The following RIGI variants were observed in gnomAD, a reference collection of about 807,000 sequenced individuals.
RIGI encodes the protein RNA sensor RIG-I.
At chr9:32,457,285 T>C in the RIGI span, 1 of 1,614,198 alleles carries the variant, frequency 6.2e-7, no homozygotes, top group Non-Finnish European at 8.5e-7. Flanking sequence ...GATTCCCCAG[T>C]CATGGCTGCA....
At chr9:32,475,212 A>G in the RIGI span, among the ~76,000 whole-genome samples, 1 of 152,178 alleles carries the variant, frequency 6.6e-6, no homozygotes, top group African/African-American at 2.4e-5. Context: ...TCAGCCTCCC[A>G]AAGTGCTGGG....
the RIGI span, among the ~76,000 whole-genome samples, chr9:32,476,065 A>G: frequency 2.6e-5 from 4 of 152,126 alleles, no homozygotes; most frequent in Non-Finnish European, 5.9e-5. Flanking sequence ...CAAGCAGAAG[A>G]AAGATGTTCA....
At chr9:32,512,417 T>C in the RIGI span, among the ~76,000 whole-genome samples, 312 of 152,260 alleles carry the variant, frequency 2.0e-3, no homozygotes, top group African/African-American at 7.3e-3. Flanking sequence ...GTTCAACATA[T>C]ACAAATCAAT....
chr9:32,476,902 G>C, the RIGI span: 1 of 1,237,568 alleles, frequency 8.1e-7, no homozygotes, highest in African/African-American at 1.5e-5. Context: ...GATTACAGGC[G>C]TGAGACACCA....
At chr9:32,495,711 G>A in the RIGI span, among the ~76,000 whole-genome samples, 5 of 144,066 alleles carry the variant, frequency 3.5e-5, no homozygotes, top group African/African-American at 1.0e-4. Flanking sequence ...CCAGGCTGGA[G>A]TGCAGTGGCA....
At chr9:32,459,343 C>G in the RIGI span, 62 of 1,609,528 alleles carry the variant, frequency 3.9e-5, no homozygotes, top group Non-Finnish European at 5.0e-5. Context: ...TAAAACATGA[C>G]CAGGCACTTT....
At chr9:32,468,075 G>A in the RIGI span, 1 of 695,244 alleles carries the variant, frequency 1.4e-6, no homozygotes, top group Admixed American at 3.3e-5. Flanking sequence ...AACACACCTA[G>A]GCAGTGGGAT....
chr9:32,459,276 G>A, the RIGI span: 1 of 1,382,994 alleles, frequency 7.2e-7, no homozygotes, highest in Non-Finnish European at 1.0e-6. Flanking sequence ...CAGTAACAAT[G>A]GAAATAATAG....
At chr9:32,520,559 A>G in the RIGI span, among the ~76,000 whole-genome samples, 1 of 152,240 alleles carries the variant, frequency 6.6e-6, no homozygotes, top group African/African-American at 2.4e-5. Context: ...TTCATGAGAC[A>G]TAGGGCTAGA....
At chr9:32,501,782 C>G in the RIGI span, among the ~76,000 whole-genome samples, 1 of 152,104 alleles carries the variant, frequency 6.6e-6, no homozygotes, top group Non-Finnish European at 1.5e-5. Context: ...GAAGACCTAG[C>G]ACGTAATAGA....
chr9:32,471,361 A>G, the RIGI span, among the ~76,000 whole-genome samples: 1 of 152,186 alleles, frequency 6.6e-6, no homozygotes, highest in African/African-American at 2.4e-5. Flanking sequence ...CACCATCATC[A>G]TCTACTAAAC....
At chr9:32,510,342 G>A in the RIGI span, among the ~76,000 whole-genome samples, 2 of 152,312 alleles carry the variant, frequency 1.3e-5, 1 homozygote, top group South Asian at 4.1e-4. Context: ...CAGAGAGAAA[G>A]GTTGAGTTAC....
At chr9:32,501,066 G>A in the RIGI span, 15 of 1,198,176 alleles carry the variant, frequency 1.3e-5, no homozygotes, top group Non-Finnish European at 1.7e-5. Flanking sequence ...AGCATTGGAA[G>A]AATCTTTGGA....
the RIGI span, chr9:32,488,701 A>C: frequency 8.0e-6 from 12 of 1,492,316 alleles, no homozygotes; most frequent in African/African-American, 1.7e-4. Flanking sequence ...ATGAAGCTGG[A>C]GAAAAAGAAG....
chr9:32,460,985 C>T, the RIGI span, among the ~76,000 whole-genome samples: 1 of 151,194 alleles, frequency 6.6e-6, no homozygotes, highest in Non-Finnish European at 1.5e-5. Flanking sequence ...AAAAAACACT[C>T]TAAGACAGGT....
At chr9:32,458,327 T>G in the RIGI span, among the ~76,000 whole-genome samples, 2 of 152,186 alleles carry the variant, frequency 1.3e-5, no homozygotes, top group South Asian at 4.1e-4. Flanking sequence ...ATTATAAAAG[T>G]GATCCATAGC....
At chr9:32,502,923 G>A in the RIGI span, among the ~76,000 whole-genome samples, 196 of 152,262 alleles carry the variant, frequency 1.3e-3, 2 homozygotes, top group Non-Finnish European at 1.6e-3. Flanking sequence ...TGACCTCATC[G>A]TAACTAATTA....
the RIGI span, among the ~76,000 whole-genome samples, chr9:32,499,425 G>T: frequency 6.7e-6 from 1 of 148,576 alleles, no homozygotes; most frequent in South Asian, 2.1e-4. Flanking sequence ...AAAAGTTAGC[G>T]TTTGTTTTTT....
chr9:32,484,909 A>G, the RIGI span, among the ~76,000 whole-genome samples: 1 of 152,204 alleles, frequency 6.6e-6, no homozygotes, highest in Non-Finnish European at 1.5e-5. Context: ...TTTAGAAGGT[A>G]GAGAAAGCAA....
Sources: allele counts gnomAD v4.1 joint callset (sites outside exome capture counted in the v4.1 genomes callset), GRCh38; gene constraint gnomAD v4.1.1; transcripts MANE v1.5; gene names NCBI Gene and HGNC (gene_info 2026-07-23, HGNC 2026-07-21).